Variants in CDK19 observed in about 807,000 individuals in gnomAD.
CDK19 encodes the protein cyclin dependent kinase 19.
A neutral mutation model predicts 68.3 loss-of-function variants in CDK19; 20 were observed. The observed-to-expected ratio is 0.29, with a 90% CI of 0.21 to 0.43. The LOEUF (loss-of-function observed/expected upper bound fraction) is 0.43. CDK19 is among the 20% of genes least tolerant of loss of function. CDK19 has a pLI of 1.00. For missense variants in CDK19, 339 were observed against 623.5 expected, an observed-to-expected ratio of 0.54 and a Z score of 4.86; for synonymous variants, 221 against 222.8, an observed-to-expected ratio of 0.99 and a Z score of 0.07.
chr6:110,635,061 A>G (rs1260457419), intron 5 of CDK19, among the ~76,000 whole-genome samples: 1 of 152,252 alleles, frequency 6.6e-6, no homozygotes, highest in Non-Finnish European at 1.5e-5. Flanking sequence ...TGACTTTCTA[A>G]AATTACACAT....
chr6:110,758,608 A>G (rs192178185), intron 1 of CDK19, among the ~76,000 whole-genome samples: 5 of 152,302 alleles, frequency 3.3e-5, no homozygotes, highest in Admixed American at 3.3e-4. Flanking sequence ...TTTAAAAAAT[A>G]TTTTCACAGT....
chr6:110,796,411 G>C (rs1326531986), intron 1 of CDK19, among the ~76,000 whole-genome samples: 2 of 151,976 alleles, frequency 1.3e-5, no homozygotes, highest in Non-Finnish European at 2.9e-5. Flanking sequence ...CTAGCACTTT[G>C]GGAGGCTGAG....
At chr6:110,787,443 T>C (rs1427799255) in intron 1 of CDK19, among the ~76,000 whole-genome samples, 1 of 152,060 alleles carries the variant, frequency 6.6e-6, no homozygotes, top group East Asian at 1.9e-4. Flanking sequence ...TTGTTTTGTT[T>C]TGTTTTTTTG....
chr6:110,795,053 T>A (rs1781848083), intron 1 of CDK19, among the ~76,000 whole-genome samples: 1 of 152,110 alleles, frequency 6.6e-6, no homozygotes, highest in South Asian at 2.1e-4. Flanking sequence ...CACTGTAGCC[T>A]CAACTTTCCC....
In CDK19 at chr6:110,752,626, C is replaced by T. The variant is rs149056288; in HGVS notation, c.129-6425G>A. On this transcript the variant is annotated intron_variant, in intron 1 of 12. Transcript: ENST00000368911. ...CTCTAAACATCACCAAAATACAGTA[C>T]TATTCTTCTTTATTCAACTTAAGAA... Among the ~76,000 whole-genome samples, 7 of 152,342 alleles carry T rather than the reference C, an allele frequency of 4.6e-5. No homozygotes were observed. The East Asian group carries it at 1.3e-3, about 29-fold the overall frequency.
At chr6:110,672,202 T>C (rs796614628) in intron 2 of CDK19, among the ~76,000 whole-genome samples, 1 of 152,198 alleles carries the variant, frequency 6.6e-6, no homozygotes, top group Non-Finnish European at 1.5e-5. Flanking sequence ...CTCCTTGATA[T>C]TGATGAACGT....
At chr6:110,693,085 A>C (rs1188188496) in intron 2 of CDK19, among the ~76,000 whole-genome samples, 2 of 152,160 alleles carry the variant, frequency 1.3e-5, no homozygotes, top group African/African-American at 4.8e-5. Flanking sequence ...AAAAGCGTTA[A>C]AATCTGACGG....
At chr6:110,626,746 A>G in intron 8 of CDK19, 30 bp downstream of exon 8, 1 of 1,339,930 alleles carries the variant, frequency 7.5e-7, no homozygotes, top group Non-Finnish European at 1.0e-6. Context: ...TAGCAGCACA[A>G]AAAGACTAAG....
At position 110,815,356 on chromosome 6, in the gene CDK19, A is replaced by ACGG. The variant is rs774446028; in HGVS notation, c.-223_-221dup. The ACGG allele has an allele frequency of 1.0e-4, 40 of 393,502 alleles. No homozygotes were observed. The highest frequency in any genetic ancestry group is 2.2e-4 in the South Asian group (3 of 13,384). 24.4% of individuals were successfully genotyped at this position (393,502 alleles called of 1,614,324 possible). The stretch of plus-strand genomic sequence containing the variant: ...CACCTCTTCCTCCTCCTCCTCCGCG[A>ACGG]CGGCGGCGGCGGCTCCCGCAGGCAC... On this transcript the variant is annotated 5_prime_UTR_variant, in exon 1 of 13. Transcript: ENST00000368911.
chr6:110,779,084 T>C (rs908154093), intron 1 of CDK19, among the ~76,000 whole-genome samples: 2 of 152,236 alleles, frequency 1.3e-5, no homozygotes, highest in African/African-American at 2.4e-5. Context: ...TTTACACTGC[T>C]GTATCAGTGA....
chr6:110,644,782 G>C (rs1780440908), intron 4 of CDK19, among the ~76,000 whole-genome samples: 1 of 152,096 alleles, frequency 6.6e-6, no homozygotes, highest in African/African-American at 2.4e-5. Context: ...GAACTACAGA[G>C]GAGGTGAAGG....
intron 5 of CDK19, among the ~76,000 whole-genome samples, chr6:110,634,324 C>T (rs1779623514): frequency 6.6e-6 from 1 of 152,180 alleles, no homozygotes. Flanking sequence ...TCAAGCGATT[C>T]TCCTGCCTCA....
intron 2 of CDK19, among the ~76,000 whole-genome samples, chr6:110,734,257 G>A (rs1172675628): frequency 3.9e-5 from 6 of 151,992 alleles, no homozygotes; most frequent in African/African-American, 7.2e-5. Flanking sequence ...TGATCCACCC[G>A]CCTCAGCCTC....
chr6:110,785,481 T>C (rs1781140092), intron 1 of CDK19, among the ~76,000 whole-genome samples: 1 of 152,124 alleles, frequency 6.6e-6, no homozygotes, highest in Non-Finnish European at 1.5e-5. Flanking sequence ...GAAAAGAAAA[T>C]GCGAAGGAAA....
At chr6:110,714,170 A>G (rs966588973) in intron 2 of CDK19, among the ~76,000 whole-genome samples, 8 of 152,204 alleles carry the variant, frequency 5.3e-5, no homozygotes, top group African/African-American at 1.7e-4. Context: ...ATTTCATATA[A>G]ATGAAACTAT....
chr6:110,811,341 T>C (rs1462956410), intron 1 of CDK19, among the ~76,000 whole-genome samples: 1 of 152,196 alleles, frequency 6.6e-6, no homozygotes, highest in Non-Finnish European at 1.5e-5. Context: ...AGTTATGTAG[T>C]CATCAACCAC....
chr6:110,730,452 A>C (rs1012459984), intron 2 of CDK19, among the ~76,000 whole-genome samples: 28 of 152,220 alleles, frequency 1.8e-4, no homozygotes, highest in Non-Finnish European at 2.9e-5. Flanking sequence ...GTTCTAACTC[A>C]GCTTTCTTTA....
intron 1 of CDK19, among the ~76,000 whole-genome samples, chr6:110,806,442 A>G (rs556152173): frequency 2.0e-5 from 3 of 152,226 alleles, no homozygotes; most frequent in Admixed American, 6.5e-5. Flanking sequence ...ATACATCACC[A>G]TATTAGTAAA....
chr6:110,704,042 G>C (rs1774228913), intron 2 of CDK19, among the ~76,000 whole-genome samples: 1 of 152,130 alleles, frequency 6.6e-6, no homozygotes, highest in Admixed American at 6.5e-5. Context: ...AGACCACATA[G>C]TTCAAATATA....
Sources: allele counts gnomAD v4.1 joint callset (sites outside exome capture counted in the v4.1 genomes callset), GRCh38; gene constraint gnomAD v4.1.1; transcripts MANE v1.5; gene names NCBI Gene and HGNC (gene_info 2026-07-23, HGNC 2026-07-21).